ZZZ3: variants seen among roughly 807,000 people sequenced by gnomAD.
ZZZ3 encodes the protein zinc finger ZZ-type containing 3, also known as ZZ-type zinc finger-containing protein 3.
Under a neutral mutation model 95.2 loss-of-function variants are expected in ZZZ3, and 22 were observed. That is an observed-to-expected ratio of 0.23 (90% confidence interval 0.17 to 0.33). The LOEUF (loss-of-function observed/expected upper bound fraction) is 0.33. ZZZ3 is among the 10% of genes least tolerant of loss of function. The pLI is 1.00. For synonymous variants in ZZZ3, 335 were observed against 358.9 expected, an observed-to-expected ratio of 0.93 and a Z score of 0.75; for missense variants, 885 against 1,066.5, an observed-to-expected ratio of 0.83 and a Z score of 2.37.
chr1:77,591,524 T>C (rs530874909), intron 5 of ZZZ3, among the ~76,000 whole-genome samples: 3 of 152,252 alleles, frequency 2.0e-5, no homozygotes, highest in East Asian at 3.9e-4. Context: ...AAAACATTTT[T>C]GTAGAGACAG....
chr1:77,625,978 CAG>C (rs1165551982), intron 5 of ZZZ3, among the ~76,000 whole-genome samples: 2 of 151,010 alleles, frequency 1.3e-5, no homozygotes, highest in East Asian at 3.9e-4. Flanking sequence ...GCCTGGGTGA[CAG>C]AGTGAGACCC....
chr1:77,602,602 AT>A (rs33915566), intron 5 of ZZZ3, among the ~76,000 whole-genome samples: 176 of 117,940 alleles, frequency 1.5e-3, no homozygotes, highest in South Asian at 5.3e-3. Context: ...ATTTTTACTG[AT>A]TTTTTTTTTT....
At chr1:77,667,904 A>G (rs1396816353) in intron 1 of ZZZ3, among the ~76,000 whole-genome samples, 1 of 151,390 alleles carries the variant, frequency 6.6e-6, no homozygotes, top group Non-Finnish European at 1.5e-5. Flanking sequence ...AGCTGGGATT[A>G]CATGCACCTG....
At chr1:77,658,915 TA>T (rs1379217364) in intron 1 of ZZZ3, among the ~76,000 whole-genome samples, 1 of 152,222 alleles carries the variant, frequency 6.6e-6, no homozygotes, top group Admixed American at 6.5e-5. Flanking sequence ...CTTCATTTGT[TA>T]AAAATTCTAA....
At chr1:77,679,188 A>G (rs1366300188) in intron 1 of ZZZ3, among the ~76,000 whole-genome samples, 2 of 152,224 alleles carry the variant, frequency 1.3e-5, no homozygotes, top group Admixed American at 6.5e-5. Context: ...AACTACAGAA[A>G]TTTGCACCAG....
intron 5 of ZZZ3, among the ~76,000 whole-genome samples, chr1:77,624,394 C>G (rs930442395): frequency 4.6e-5 from 7 of 152,144 alleles, no homozygotes; most frequent in African/African-American, 1.7e-4. Context: ...CTTACAAGCC[C>G]CAACCCTTGT....
chr1:77,598,186 CA>C (rs1664396834), intron 5 of ZZZ3, among the ~76,000 whole-genome samples: 1 of 152,070 alleles, frequency 6.6e-6, no homozygotes, highest in Non-Finnish European at 1.5e-5. Flanking sequence ...ATAACATAAA[CA>C]GTCGATTAAC....
chr1:77,575,851 A>G (rs1408703095), intron 12 of ZZZ3, among the ~76,000 whole-genome samples: 1 of 152,238 alleles, frequency 6.6e-6, no homozygotes, highest in Non-Finnish European at 1.5e-5. Context: ...AGAGATTAAA[A>G]TAAGGTAGCT....
At chr1:77,680,913 C>T (rs1009691419) in intron 1 of ZZZ3, among the ~76,000 whole-genome samples, 16 of 152,000 alleles carry the variant, frequency 1.1e-4, no homozygotes, top group African/African-American at 3.9e-4. Context: ...TGCAAAGCTA[C>T]CAAGCACAAT....
chr1:77,566,292 A>G, intron 13 of ZZZ3, 111 bp from the exon 14 acceptor site: 3 of 705,924 alleles, frequency 4.2e-6, no homozygotes, highest in South Asian at 2.0e-5. Flanking sequence ...TTCTCTCTCC[A>G]TGCACAGGAC....
chr1:77,633,650 C>T (rs1264246161), intron 4 of ZZZ3, among the ~76,000 whole-genome samples: 2 of 152,144 alleles, frequency 1.3e-5, no homozygotes, highest in African/African-American at 2.4e-5. Context: ...GCCTTACATA[C>T]ATTAACTCAC....
At chr1:77,651,651 G>A (rs1669818077) in intron 1 of ZZZ3, among the ~76,000 whole-genome samples, 1 of 152,102 alleles carries the variant, frequency 6.6e-6, no homozygotes, top group South Asian at 2.1e-4. Context: ...AAACATTCTG[G>A]AGATGGACCA....
intron 4 of ZZZ3, among the ~76,000 whole-genome samples, chr1:77,634,262 C>T (rs764437318): frequency 1.3e-5 from 2 of 152,076 alleles, no homozygotes; most frequent in Non-Finnish European, 2.9e-5. Flanking sequence ...AATCATTTCT[C>T]GTGTTCTTTC....
rs1660739462 is a variant in ZZZ3, at chr1:77,565,571, T to G, written c.*69A>C. ...GAAAGCAGAGAATCTTTCCAAACTGTGCACATAATTAACAATGATACCATT... is the reference window on the plus strand; with the variant it reads ...GAAAGCAGAGAATCTTTCCAAACTGGGCACATAATTAACAATGATACCATT... On this transcript the variant is annotated 3_prime_UTR_variant, in exon 15 of 15. Coordinates refer to ENST00000370801, the MANE Select transcript of ZZZ3 (RefSeq NM_015534.6). The G allele has an allele frequency of 6.6e-7, 1 of 1,508,232 alleles. No homozygotes were observed. The highest frequency in any genetic ancestry group is 2.3e-5 in the East Asian group (1 of 44,212). The allele number at this position is 1,508,232 out of a possible 1,614,324, so 93.4% of individuals were successfully genotyped here. A position where few individuals can be genotyped will look rare whatever the true frequency, so the allele number is the denominator to read the frequency against.
intron 5 of ZZZ3, among the ~76,000 whole-genome samples, chr1:77,623,541 A>T (rs1400607501): frequency 6.6e-6 from 1 of 152,236 alleles, no homozygotes; most frequent in African/African-American, 2.4e-5. Flanking sequence ...AGGCTAACCG[A>T]GATCTAGAGA....
At chr1:77,650,963 C>G (rs1331040266) in intron 1 of ZZZ3, among the ~76,000 whole-genome samples, 1 of 152,130 alleles carries the variant, frequency 6.6e-6, no homozygotes. Flanking sequence ...ACATAATAAT[C>G]TTTCCAACAA....
At chr1:77,647,760 C>T (rs1216907021) in intron 1 of ZZZ3, among the ~76,000 whole-genome samples, 4 of 152,268 alleles carry the variant, frequency 2.6e-5, no homozygotes, top group Admixed American at 6.5e-5. Flanking sequence ...TAACACCACA[C>T]GTGGCTCACA....
At chr1:77,600,194 C>T (rs2100667907) in intron 5 of ZZZ3, among the ~76,000 whole-genome samples, 1 of 152,000 alleles carries the variant, frequency 6.6e-6, no homozygotes. Context: ...TGGCTTAAAA[C>T]TGTAAGAAAA....
intron 1 of ZZZ3, among the ~76,000 whole-genome samples, chr1:77,643,636 T>C (rs1335279926): frequency 6.6e-6 from 1 of 152,216 alleles, no homozygotes; most frequent in East Asian, 1.9e-4. Flanking sequence ...AAGAATTACT[T>C]TTCCTACTTC....
Sources: gnomAD v4.1 joint callset for allele counts (sites outside exome capture counted in the v4.1 genomes callset) on GRCh38, gnomAD v4.1.1 for gene constraint, MANE v1.5 for transcripts, NCBI Gene and HGNC (gene_info 2026-07-23, HGNC 2026-07-21) for gene names.